The following KIAA1549 variants were observed in gnomAD, a reference collection of about 807,000 sequenced individuals.
KIAA1549 encodes KIAA1549.
In KIAA1549, 70 loss-of-function variants were observed where a neutral mutation model predicts 156.4. The ratio of observed to expected loss-of-function variants is 0.45; its 90% CI spans 0.37 to 0.55. KIAA1549 has a LOEUF of 0.55. Ranked by LOEUF, KIAA1549 falls within the 20% of genes least tolerant of loss-of-function variation. KIAA1549 has a pLI of 0.00. For missense variants in KIAA1549, 2,428 were observed against 2,540.9 expected (o/e 0.96, Z 0.96); for synonymous variants, 1,103 against 1,066.4 (o/e 1.03, Z -0.67).
chr7:138,964,533 C>T (rs548176092), intron 1 of KIAA1549, among the ~76,000 whole-genome samples: 1 of 152,338 alleles, frequency 6.6e-6, no homozygotes, highest in East Asian at 1.9e-4. Context: ...ACACAGCATG[C>T]ACTCTATAAT....
rs188246614 is a variant in KIAA1549, at chr7:138,863,417, T to G, written c.4930-1961A>C. Among the ~76,000 whole-genome samples, 260 of 152,070 alleles carry G rather than the reference T, an allele frequency of 1.7e-3. 1 individual carries two copies. Among genetic ancestry groups the G allele is most frequent in the African/African-American group, 4.2e-3 (174 of 41,476 alleles). On this transcript the variant is annotated intron_variant, in intron 15 of 19. Transcript: ENST00000422774. ...ACATCCTTAAACTTAGCCCCCTATC[T>G]GAAAAATGCTTCTAACGGGTGATCA...
intron 1 of KIAA1549, among the ~76,000 whole-genome samples, chr7:138,924,723 A>G (rs1359929471): frequency 1.3e-5 from 2 of 152,150 alleles, no homozygotes; most frequent in African/African-American, 4.8e-5. Context: ...GCCAAAGGGA[A>G]TCACTTCTGC....
At chr7:138,969,520 A>T (rs532415467) in intron 1 of KIAA1549, among the ~76,000 whole-genome samples, 1 of 152,178 alleles carries the variant, frequency 6.6e-6, no homozygotes, top group African/African-American at 2.4e-5. Flanking sequence ...CATTTGCAAA[A>T]ATTTGTTTAT....
chr7:138,921,077 A>G (rs1812551254), intron 1 of KIAA1549, among the ~76,000 whole-genome samples: 1 of 152,224 alleles, frequency 6.6e-6, no homozygotes, highest in Non-Finnish European at 1.5e-5. Context: ...TTAGGCCACA[A>G]CGGAGATGAG....
chr7:138,901,371 G>A (rs1033795415), intron 8 of KIAA1549, among the ~76,000 whole-genome samples: 8 of 150,166 alleles, frequency 5.3e-5, no homozygotes, highest in Admixed American at 2.6e-4. Flanking sequence ...TGTCCCCGAG[G>A]CTGGAGTGCA....
At chr7:138,977,593 C>T (rs1016775642) in intron 1 of KIAA1549, among the ~76,000 whole-genome samples, 8 of 151,906 alleles carry the variant, frequency 5.3e-5, no homozygotes, top group East Asian at 3.9e-4. Flanking sequence ...AGAAATCCAG[C>T]CTGGTGGGCC....
At position 138,861,427 on chromosome 7, in the gene KIAA1549, C is replaced by T. The variant is rs184005645; in HGVS notation, c.4959G>A (p.Gln1653=). 35 of 1,612,166 alleles carry T rather than the reference C, an allele frequency of 2.2e-5. No individual in the cohort carries two copies. In the East Asian group the frequency reaches 7.1e-4, roughly 33 times the overall value. ...PSDPDLPADV[Q]TPSSVELGRY... is the part of the protein sequence containing the mutation. ...TCCCCAGTTCCACCGAGGATGGTGT[C>T]TGCACATCGGCTGGGAGGTCAGGAT... The change falls in exon 16 of 20, where the codon CAG becomes CAA. Residue 1653 remains glutamine (Q), a synonymous_variant. Coordinates refer to ENST00000422774, the MANE Select transcript of KIAA1549 (RefSeq NM_001164665.2).
At chr7:138,869,450 G>A in intron 14 of KIAA1549, 88 bp downstream of exon 14, 3 of 1,034,054 alleles carry the variant, frequency 2.9e-6, no homozygotes, top group Non-Finnish European at 4.3e-6. Flanking sequence ...AGGCCCTGCA[G>A]TAGCAGAGGG....
chr7:138,837,988 G>C lies in KIAA1549; in HGVS notation c.5771C>G (p.Ser1924Trp). 6.2e-7 allele frequency: 1 copy of C among 1,613,358 alleles called. No homozygotes were observed. Among genetic ancestry groups the C allele is most frequent in the South Asian group, 1.1e-5 (1 of 90,794 alleles). ...STEDLQPGHS[S>W]ASLIKAIREE... ...GCGGATTGCTTTGATGAGAGAGGCC[G>C]AGGAGTGGCCAGGCTGGAGGTCTTC... is the stretch of plus-strand genomic sequence containing the variant. The change falls in exon 20 of 20, where the codon TCG becomes TGG. Residue 1924 changes from serine to tryptophan, a missense_variant. Ser to Trp is a radical substitution (Grantham distance 177). Coordinates refer to ENST00000422774, the MANE Select transcript of KIAA1549 (RefSeq NM_001164665.2).
chr7:138,946,508 G>T (rs1394210186), intron 1 of KIAA1549, among the ~76,000 whole-genome samples: 2 of 152,026 alleles, frequency 1.3e-5, no homozygotes, highest in Non-Finnish European at 2.9e-5. Context: ...GGCCGGGCAC[G>T]GTGGCTCACG....
At chr7:138,838,242 C>CCCAGGACTGCCCACGTCCATCCA in intron 19 of KIAA1549, 82 bp from the exon 20 acceptor site, 1 of 1,364,162 alleles carries the variant, frequency 7.3e-7, no homozygotes, top group Non-Finnish European at 9.7e-7. Flanking sequence ...TAGGAAGGTT[C>CCCAGGACTGCCCACGTCCATCCA]CCAGGACTGC....
At chr7:138,854,574 A>C (rs574395012) in intron 16 of KIAA1549, among the ~76,000 whole-genome samples, 1 of 152,258 alleles carries the variant, frequency 6.6e-6, no homozygotes, top group Non-Finnish European at 1.5e-5. Context: ...AGCAAATAGC[A>C]GCAAATAAGA....
chr7:138,876,955 T>C (rs1811101770), intron 12 of KIAA1549, among the ~76,000 whole-genome samples: 1 of 152,210 alleles, frequency 6.6e-6, no homozygotes, highest in Admixed American at 6.5e-5. Flanking sequence ...CAGTGTTCTC[T>C]CAGCTTCCAT....
At chr7:138,907,376 G>A (rs1307721965) in intron 5 of KIAA1549, among the ~76,000 whole-genome samples, 1 of 152,168 alleles carries the variant, frequency 6.6e-6, no homozygotes, top group Non-Finnish European at 1.5e-5. Context: ...GAACACAGGG[G>A]AATAAATCCA....
In KIAA1549 at chr7:138,832,342, A is replaced by T. The variant is rs187599731; in HGVS notation, c.*5564T>A. On this transcript the variant is annotated 3_prime_UTR_variant, in exon 20 of 20. Coordinates refer to ENST00000422774, the MANE Select transcript of KIAA1549 (RefSeq NM_001164665.2). The stretch of plus-strand genomic sequence containing the variant: ...CTTTCGAGTAGCTGGGACTACTGGC[A>T]CATGCCACCATGCTCAGCTAATTTT... The T allele has an allele frequency of 5.1e-6, 1 of 195,962 alleles. No homozygotes were observed. The highest frequency in any genetic ancestry group is 2.3e-5 in the African/African-American group (1 of 43,326). 12.1% of individuals were successfully genotyped at this position (195,962 alleles called of 1,614,324 possible). A position where few individuals can be genotyped will look rare whatever the true frequency, so the allele number is the denominator to read the frequency against.
Position 138,837,494 on chromosome 7 carries a change from A to G in KIAA1549, c.*412T>C, listed in dbSNP as rs1383677620. The G allele has an allele frequency of 3.5e-6, 1 of 287,620 alleles. No homozygotes were observed. Among genetic ancestry groups the G allele is most frequent in the African/African-American group, 2.1e-5 (1 of 46,834 alleles). 17.8% of individuals were successfully genotyped at this position (287,620 alleles called of 1,614,324 possible). On this transcript the variant is annotated 3_prime_UTR_variant, in exon 20 of 20. Transcript: ENST00000422774. The stretch of plus-strand genomic sequence containing the variant: ...AAATGTCTTCAAACCTCTTCTCAGA[A>G]AACAAAGCAGCAGGTTCATCGTACA...
At chr7:138,935,852 C>T (rs1239272971) in intron 1 of KIAA1549, among the ~76,000 whole-genome samples, 4 of 152,122 alleles carry the variant, frequency 2.6e-5, no homozygotes, top group African/African-American at 7.2e-5. Context: ...AGAGGGGTCA[C>T]GCCGGCTGGA....
intron 8 of KIAA1549, 107 bp from the exon 9 acceptor site, chr7:138,899,239 CATA>C (rs1811775169): frequency 9.9e-7 from 1 of 1,008,260 alleles, no homozygotes; most frequent in Non-Finnish European, 1.5e-6. Context: ...TTCCAATCCT[CATA>C]ATAAGCTCCG....
rs148222139 is a variant in KIAA1549, at chr7:138,884,524, G to A, written c.4033-2940C>T. Among the ~76,000 whole-genome samples the A allele has an allele frequency of 2.9e-3, 440 of 152,162 alleles. 2 individuals carry two copies. The highest frequency in any genetic ancestry group is 0.01 in the African/African-American group (420 of 41,506). On this transcript the variant is annotated intron_variant, in intron 10 of 19. Coordinates refer to ENST00000422774, the MANE Select transcript of KIAA1549 (RefSeq NM_001164665.2). ...AAGACAGATAGAACAGATTCTTTGT[G>A]GTAATAAGATACCAAATTATAAACA...
Sources: gnomAD v4.1 joint callset for allele counts (sites outside exome capture counted in the v4.1 genomes callset) on GRCh38, gnomAD v4.1.1 for gene constraint, MANE v1.5 for transcripts, NCBI Gene and HGNC (gene_info 2026-07-23, HGNC 2026-07-21) for gene names.